Variants in LRP1B observed in about 807,000 individuals in gnomAD.
LRP1B encodes LDL receptor related protein 1B.
In LRP1B, 217 loss-of-function variants were observed where a neutral mutation model predicts 556.6. The observed-to-expected ratio is 0.39, with a 90% CI of 0.35 to 0.44. The LOEUF (loss-of-function observed/expected upper bound fraction) is 0.44, where lower values mean the gene tolerates loss of function less well. Among genes scored for constraint, LRP1B ranks in the 20% least tolerant of loss-of-function variants. The pLI is 1.00. For synonymous variants in LRP1B, 2,047 were observed against 1,865.8 expected, an observed-to-expected ratio of 1.10 and a Z score of -2.50; for missense variants, 5,053 against 5,620.8, an observed-to-expected ratio of 0.90 and a Z score of 3.23.
chr2:141,479,474 T>C (rs1381052048), intron 3 of LRP1B, among the ~76,000 whole-genome samples: 1 of 152,190 alleles, frequency 6.6e-6, no homozygotes, highest in Non-Finnish European at 1.5e-5. Flanking sequence ...CCAGATATGT[T>C]ATCTCCAGTT....
chr2:140,567,971 GA>G (rs376255933), intron 43 of LRP1B, among the ~76,000 whole-genome samples: 34 of 152,148 alleles, frequency 2.2e-4, no homozygotes, highest in African/African-American at 7.2e-4. Flanking sequence ...CCCATCTGTG[GA>G]TAAACATCTT....
At chr2:140,326,004 G>C (rs1482663270) in intron 79 of LRP1B, 126 bp from the exon 80 acceptor site, 2 of 627,604 alleles carry the variant, frequency 3.2e-6, no homozygotes, top group Non-Finnish European at 5.7e-6. Flanking sequence ...AAATTACCTG[G>C]TGCCCATCAT....
chr2:141,440,803 AT>A (rs1228099813), intron 3 of LRP1B, among the ~76,000 whole-genome samples: 1 of 152,180 alleles, frequency 6.6e-6, no homozygotes, highest in African/African-American at 2.4e-5. Context: ...GTGAAAAGTT[AT>A]GTTTGATTTT....
At chr2:140,255,989 T>C (rs143571072) in intron 86 of LRP1B, among the ~76,000 whole-genome samples, 48 of 152,284 alleles carry the variant, frequency 3.2e-4, no homozygotes, top group Non-Finnish European at 1.5e-5. Flanking sequence ...CGTATGTAAA[T>C]TGTGTATCAT....
At chr2:141,349,838 A>C (rs1316447551) in intron 3 of LRP1B, among the ~76,000 whole-genome samples, 1 of 152,034 alleles carries the variant, frequency 6.6e-6, no homozygotes, top group African/African-American at 2.4e-5. Flanking sequence ...TAACTATCAA[A>C]GAGTATAATA....
Position 141,799,191 on chromosome 2 carries a change from C to T in LRP1B, c.205+11088G>A, listed in dbSNP as rs565709055. 8.5e-5 allele frequency among the ~76,000 whole-genome samples: 13 copies of T among 152,288 alleles called. No homozygotes were observed. The East Asian group carries it at 2.5e-3, about 29-fold the overall frequency. On this transcript the variant is annotated intron_variant, in intron 2 of 90. Transcript: ENST00000389484. ...TTCTAATGTCTCCCAATGACCCTCA[C>T]CCTTGTCTAACCCTCTCTCTTTTGA...
At chr2:141,804,169 T>C (rs887774353) in intron 2 of LRP1B, among the ~76,000 whole-genome samples, 1 of 152,228 alleles carries the variant, frequency 6.6e-6, no homozygotes, top group African/African-American at 2.4e-5. Flanking sequence ...GCCTGAAGGA[T>C]TCTTTTAGGA....
chr2:141,303,974 A>T (rs1686491003), intron 3 of LRP1B, among the ~76,000 whole-genome samples: 1 of 152,196 alleles, frequency 6.6e-6, no homozygotes, highest in Non-Finnish European at 1.5e-5. Flanking sequence ...GAAAGATGAC[A>T]TCTCATTGTG....
intron 6 of LRP1B, among the ~76,000 whole-genome samples, chr2:141,208,632 C>T (rs886988206): frequency 4.6e-5 from 7 of 151,502 alleles, no homozygotes; most frequent in Non-Finnish European, 8.8e-5. Flanking sequence ...CTCTGGGAGG[C>T]GGAGGCAGGT....
At chr2:140,614,362 TTTA>T (rs1414487389) in intron 41 of LRP1B, among the ~76,000 whole-genome samples, 1 of 151,974 alleles carries the variant, frequency 6.6e-6, no homozygotes, top group Non-Finnish European at 1.5e-5. Flanking sequence ...TTTAAGATTG[TTTA>T]TTAACTTTAC....
intron 7 of LRP1B, among the ~76,000 whole-genome samples, chr2:141,178,032 A>G (rs1187421330): frequency 6.6e-6 from 1 of 152,154 alleles, no homozygotes; most frequent in Non-Finnish European, 1.5e-5. Flanking sequence ...GGTTATTGGT[A>G]TGTAGAAGTA....
chr2:141,750,463 GA>G (rs1318392282), intron 2 of LRP1B, among the ~76,000 whole-genome samples: 1 of 151,484 alleles, frequency 6.6e-6, no homozygotes, highest in Non-Finnish European at 1.5e-5. Flanking sequence ...GAAAAGAAAA[GA>G]AAAAAAAGCT....
intron 3 of LRP1B, among the ~76,000 whole-genome samples, chr2:141,346,141 G>T (rs2683817): frequency 0.57 from 85,685 of 151,522 alleles, 24,841 homozygotes; most frequent in Non-Finnish European, 0.6. Flanking sequence ...TCCATGTTTT[G>T]TTTGTTTTTA....
At chr2:141,511,416 C>T (rs1375341794) in intron 2 of LRP1B, among the ~76,000 whole-genome samples, 1 of 152,024 alleles carries the variant, frequency 6.6e-6, no homozygotes, top group Non-Finnish European at 1.5e-5. Flanking sequence ...TTTTTAGATT[C>T]ATGTTTGAAA....
At chr2:141,229,932 A>T (rs1683394784) in intron 5 of LRP1B, among the ~76,000 whole-genome samples, 1 of 152,154 alleles carries the variant, frequency 6.6e-6, no homozygotes, top group African/African-American at 2.4e-5. Context: ...TCCTTGACCA[A>T]CCCCAAGAGC....
chr2:140,621,685 T>C (rs1295759824), intron 41 of LRP1B, among the ~76,000 whole-genome samples: 2 of 152,168 alleles, frequency 1.3e-5, no homozygotes, highest in Non-Finnish European at 2.9e-5. Flanking sequence ...AAATCAGTAA[T>C]GGGGTGTATA....
chr2:141,460,798 G>A (rs1233557189), intron 3 of LRP1B, among the ~76,000 whole-genome samples: 1 of 152,110 alleles, frequency 6.6e-6, no homozygotes, highest in Admixed American at 6.6e-5. Flanking sequence ...ATTCAATACG[G>A]TGAATTTTTT....
intron 37 of LRP1B, among the ~76,000 whole-genome samples, chr2:140,709,993 A>G (rs1406196413): frequency 6.6e-6 from 1 of 152,036 alleles, no homozygotes; most frequent in African/African-American, 2.4e-5. Flanking sequence ...GAGTGTATCT[A>G]CTCTTAACTA....
chr2:140,852,477 A>G (rs1160144066), intron 27 of LRP1B, among the ~76,000 whole-genome samples: 1 of 152,206 alleles, frequency 6.6e-6, no homozygotes, highest in Non-Finnish European at 1.5e-5. Flanking sequence ...TATTTTCTTA[A>G]CCAACCATGA....
Sources: gnomAD v4.1 joint callset for allele counts (sites outside exome capture counted in the v4.1 genomes callset) on GRCh38, gnomAD v4.1.1 for gene constraint, MANE v1.5 for transcripts, NCBI Gene and HGNC (gene_info 2026-07-23, HGNC 2026-07-21) for gene names.